The following KLHL12 variants were observed in gnomAD, a reference collection of about 807,000 sequenced individuals.
The protein encoded by KLHL12 is kelch-like protein 12.
In KLHL12, 17 loss-of-function variants were observed where a neutral mutation model predicts 60.8. The observed-to-expected ratio is 0.28, with a 90% confidence interval of 0.19 to 0.42. The LOEUF is 0.42. Ranked by LOEUF, KLHL12 falls within the 10% of genes least tolerant of loss-of-function variation. KLHL12 has a pLI of 1.00. For missense variants in KLHL12, 468 were observed against 722.3 expected, an observed-to-expected ratio of 0.65 and a Z score of 4.04; for synonymous variants, 220 against 250.9, an observed-to-expected ratio of 0.88 and a Z score of 1.16.
intron 6 of KLHL12, among the ~76,000 whole-genome samples, chr1:202,904,377 T>A (rs12094608): frequency 0.038 from 5,801 of 152,260 alleles, 148 homozygotes; most frequent in South Asian, 0.12. Context: ...ATGATTTTTT[T>A]ATTTATTCAA....
rs2102405244 is a variant in KLHL12 at position 202,893,983 on chromosome 1, C to T, written c.1393+201G>A. ...CTAAAACGTAGGGAGAGAACAAAGA[C>T]ATGAAGGCTTTTGCTTTCAAATTTA... On this transcript the variant is annotated intron_variant, in intron 10 of 11. Coordinates refer to ENST00000367261, the MANE Select transcript of KLHL12 (RefSeq NM_021633.4). This position sits in a 1 kb window ranked among gnomAD's most constrained non-coding sequence, Gnocchi z 4.1. Among the ~76,000 whole-genome samples the T allele has an allele frequency of 6.6e-6, 1 of 152,290 alleles. No homozygotes were observed. Among genetic ancestry groups the T allele is most frequent in the African/African-American group, 2.4e-5 (1 of 41,570 alleles).
rs537396415 is a variant in KLHL12, at chr1:202,892,247, G to C, written c.*286C>G. ...AGTACACCAAGCATGTGGTAAGTTAGAAATGACAGGAAAGTGCTCCCCAAA... is the reference window on the plus strand; with the variant it reads ...AGTACACCAAGCATGTGGTAAGTTACAAATGACAGGAAAGTGCTCCCCAAA... On this transcript the variant is annotated 3_prime_UTR_variant, in exon 12 of 12. Transcript: ENST00000367261. 6.1e-5 allele frequency: 22 copies of C among 361,188 alleles called. No homozygotes were observed. The highest frequency in any genetic ancestry group is 1.0e-4 in the Non-Finnish European group (20 of 193,960). 22.4% of individuals were successfully genotyped at this position (361,188 alleles called of 1,614,324 possible).
chr1:202,920,018 C>T (rs1660637695), intron 2 of KLHL12, 110 bp from the exon 3 acceptor site: 3 of 1,063,850 alleles, frequency 2.8e-6, no homozygotes, highest in Non-Finnish European at 4.1e-6. Context: ...GAACATTTAT[C>T]TTTAAAAATT....
At position 202,909,503 on chromosome 1, in the gene KLHL12, T is replaced by C. The variant is rs1399301637; in HGVS notation, c.718-379A>G. ...TAAGGGGAAAACCAAAAAGATTCTG[T>C]TATTTTCTGGGTGACAGGAAGAATC... On this transcript the variant is annotated intron_variant, in intron 5 of 11. Coordinates refer to ENST00000367261, the MANE Select transcript of KLHL12 (RefSeq NM_021633.4). This position sits in a 1 kb window ranked among gnomAD's most constrained non-coding sequence, Gnocchi z 4.1. Among the ~76,000 whole-genome samples the C allele has an allele frequency of 6.6e-6, 1 of 152,152 alleles. No homozygotes were observed. The highest frequency in any genetic ancestry group is 1.5e-5 in the Non-Finnish European group (1 of 68,032).
chr1:202,894,164 T>A lies in KLHL12; in HGVS notation c.1393+20A>T. 7.1e-7 allele frequency: 1 copy of A among 1,415,346 alleles called. No individual in the cohort carries two copies. The highest frequency in any genetic ancestry group is 9.8e-7 in the Non-Finnish European group (1 of 1,022,888). 87.7% of individuals were successfully genotyped at this position (1,415,346 alleles called of 1,614,324 possible). A position where few individuals can be genotyped will look rare whatever the true frequency, so the allele number is the denominator to read the frequency against. ...TCTGACAGCATCGCCTATTGTCCCCTCCCTCAGATCTGGTCTTACCAGAAC... is the reference window on the plus strand; with the variant it reads ...TCTGACAGCATCGCCTATTGTCCCCACCCTCAGATCTGGTCTTACCAGAAC... On this transcript the variant is annotated intron_variant, in intron 10 of 11. Transcript: ENST00000367261.
chr1:202,896,114 A>T (rs1659823946), intron 7 of KLHL12, among the ~76,000 whole-genome samples: 1 of 152,190 alleles, frequency 6.6e-6, no homozygotes, highest in Non-Finnish European at 1.5e-5. Flanking sequence ...AAAAGGTAGG[A>T]GGGTTGGATT....
chr1:202,894,183 C>T lies in KLHL12; in HGVS notation c.1393+1G>A. The T allele has an allele frequency of 6.5e-7, 1 of 1,539,666 alleles. No homozygotes were observed. The highest frequency in any genetic ancestry group is 8.8e-7 in the Non-Finnish European group (1 of 1,135,264). On this transcript the variant is annotated splice_donor_variant, in intron 10 of 11. Coordinates refer to ENST00000367261, the MANE Select transcript of KLHL12 (RefSeq NM_021633.4). LOFTEE classifies it high-confidence loss of function. ...GTCCCCTCCCTCAGATCTGGTCTTACCAGAACGCTTGGTGGCCATTGGTGT... is the reference window on the plus strand; with the variant it reads ...GTCCCCTCCCTCAGATCTGGTCTTATCAGAACGCTTGGTGGCCATTGGTGT...
chr1:202,894,601 G>C lies in KLHL12; in HGVS notation c.1284C>G (p.Ile428Met). 6.2e-7 allele frequency: 1 copy of C among 1,614,098 alleles called. No individual in the cohort carries two copies. The highest frequency in any genetic ancestry group is 8.5e-7 in the Non-Finnish European group (1 of 1,180,018). ...TCCCAGACTCAATACCTAGACAGTA[G>C]ATCACTCCACTGGCCACTACGAGTC... ...GAGLVVASGV[I>M]YCLGGYDGLN... Residue 428 changes from isoleucine to methionine, a missense_variant, in exon 9 of 12, where the codon ATC becomes ATG. By Grantham distance (10) the Ile-to-Met change is conservative. This residue lies in a region of KLHL12 where 339 missense variants were observed against 525.0 expected (regional missense o/e 0.65). Coordinates refer to ENST00000367261, the MANE Select transcript of KLHL12 (RefSeq NM_021633.4).
chr1:202,897,391 C>T (rs886683778), intron 6 of KLHL12, among the ~76,000 whole-genome samples: 9 of 151,092 alleles, frequency 6.0e-5, no homozygotes, highest in African/African-American at 9.7e-5. Context: ...TGTGCCACCA[C>T]GCCCAGCTAA....
At chr1:202,892,753 G>C in intron 11 of KLHL12, 94 bp from the exon 12 acceptor site, 2 of 1,362,284 alleles carry the variant, frequency 1.5e-6, no homozygotes, top group Non-Finnish European at 2.0e-6. Flanking sequence ...GAGGTAAGAG[G>C]ATTGCTTAAG....
chr1:202,895,678 G>A lies in KLHL12; in HGVS notation c.979C>T (p.Leu327Phe). ...RKRRYVASVS[L>F]HDRIYVIGGY... ...CCAATGACGTAGATCCGGTCATGAA[G>A]GGACACTGAGGCCACATAACGTCTC... The change falls in exon 8 of 12, where the codon CTT becomes TTT. Residue 327 changes from leucine to phenylalanine, a missense_variant. Around this residue, in one of 4 missense-constraint regions of KLHL12, gnomAD observed 339 missense variants for 525.0 expected, o/e 0.65. Coordinates refer to ENST00000367261, the MANE Select transcript of KLHL12 (RefSeq NM_021633.4). The surrounding 1 kb of genome is among the most constrained non-coding windows in gnomAD (Gnocchi z 4.2). 6.2e-7 allele frequency: 1 copy of A among 1,614,184 alleles called. No individual in the cohort carries two copies. Among genetic ancestry groups the A allele is most frequent in the Non-Finnish European group, 8.5e-7 (1 of 1,180,022 alleles).
At chr1:202,927,950 G>C (rs1156977764), upstream of KLHL12, among the ~76,000 whole-genome samples, 1 of 139,322 alleles carries the variant, frequency 7.2e-6, no homozygotes, top group Non-Finnish European at 1.5e-5. Flanking sequence ...ATTGCACTCC[G>C]GGCTGGGCGA....
upstream of KLHL12, among the ~76,000 whole-genome samples, chr1:202,927,832 A>T (rs1653681445): frequency 6.6e-6 from 1 of 151,390 alleles, no homozygotes; most frequent in South Asian, 2.1e-4. Context: ...ATACAAAAAA[A>T]TTAGCCGGGC....
intron 5 of KLHL12, 31 bp downstream of exon 5, chr1:202,911,023 T>G: frequency 6.2e-7 from 1 of 1,610,262 alleles, no homozygotes. Flanking sequence ...TCCGTCAAGG[T>G]TTTGGATCCT....
chr1:202,918,257 G>T lies in KLHL12; in HGVS notation c.481C>A (p.His161Asn). ...TCATGCTGTACCACTTCAGGAAAAT[G>T]CTTCTGGCTAAAAACCTCAGCTGCT... ...MQAAEVFSQK[H>N]FPEVVQHEEF... The change falls in exon 4 of 12, where the codon CAT becomes AAT. Residue 161 changes from histidine (H) to asparagine (N), a missense_variant. His to Asn is a moderately conservative substitution (Grantham distance 68). Coordinates refer to ENST00000367261, the MANE Select transcript of KLHL12 (RefSeq NM_021633.4). 1 of 1,614,136 alleles carries T rather than the reference G, an allele frequency of 6.2e-7. No homozygotes were observed. Among genetic ancestry groups the T allele is most frequent in the Non-Finnish European group, 8.5e-7 (1 of 1,180,018 alleles).
intron 1 of KLHL12, 135 bp from the exon 2 acceptor site, chr1:202,925,342 G>A: frequency 1.0e-6 from 1 of 980,400 alleles, no homozygotes; most frequent in South Asian, 1.7e-5. Flanking sequence ...GCACTCCTAT[G>A]CCTGGCATCA....
chr1:202,920,985 G>T (rs1244162437), intron 2 of KLHL12, among the ~76,000 whole-genome samples: 1 of 151,968 alleles, frequency 6.6e-6, no homozygotes, highest in Non-Finnish European at 1.5e-5. Flanking sequence ...GGACTACCTA[G>T]TTCCTATCAT....
chr1:202,891,246 T>C lies in KLHL12; in HGVS notation c.*1287A>G, dbSNP rs1659667172. ...AGCAAAGGTTGTTTAGGTTATCACA[T>C]TCCCACACTCCTAATACCCACAAAA... On this transcript the variant is annotated 3_prime_UTR_variant, in exon 12 of 12. Coordinates refer to ENST00000367261, the MANE Select transcript of KLHL12 (RefSeq NM_021633.4). 1 of 152,570 alleles carries C rather than the reference T, an allele frequency of 6.6e-6. No homozygotes were observed. Among genetic ancestry groups the C allele is most frequent in the Non-Finnish European group, 1.5e-5 (1 of 68,032 alleles). 9.5% of individuals were successfully genotyped at this position (152,570 alleles called of 1,614,324 possible). A position where few individuals can be genotyped will look rare whatever the true frequency, so the allele number is the denominator to read the frequency against.
chr1:202,918,359 C>T lies in KLHL12; in HGVS notation c.379G>A (p.Glu127Lys). Residue 127 changes from glutamate (E) to lysine (K), a missense_variant, in exon 4 of 12, where the codon GAA becomes AAA. By Grantham distance (56) the Glu-to-Lys change is moderately conservative. Coordinates refer to ENST00000367261, the MANE Select transcript of KLHL12 (RefSeq NM_021633.4). The stretch of plus-strand genomic sequence containing the variant: ...CAATTAGAAGGGTCCAACTGACTTT[C>T]TAAGAACTCACAGCAGGCTTGTTTC... ...GVKQACCEFLESQLDPSNCLG... is the reference protein window; with the variant it reads ...GVKQACCEFLKSQLDPSNCLG... 6.2e-7 allele frequency: 1 copy of T among 1,614,150 alleles called. No individual in the cohort carries two copies.
Sources: gnomAD v4.1 joint callset for allele counts (sites outside exome capture counted in the v4.1 genomes callset) on GRCh38, gnomAD v4.1.1 for gene constraint, gnomAD v4.1.1 regional missense constraint, Gnocchi (gnomAD v3.1) non-coding constraint, MANE v1.5 for transcripts, NCBI Gene and HGNC (gene_info 2026-07-23, HGNC 2026-07-21) for gene names.